The following BNC1 variants were observed in gnomAD, a reference collection of about 807,000 sequenced individuals.
The protein encoded by BNC1 is zinc finger protein basonuclin-1.
A neutral mutation model predicts 66.5 loss-of-function variants in BNC1; 8 were observed. The observed-to-expected ratio is 0.12, with a 90% CI of 0.07 to 0.22. The LOEUF (loss-of-function observed/expected upper bound fraction) is 0.22, where lower values mean the gene tolerates loss of function less well. BNC1 is among the 10% of genes least tolerant of loss of function. The pLI, the probability that BNC1 is intolerant of heterozygous loss-of-function variation, is 1.00. For synonymous variants in BNC1, 454 were observed against 452.6 expected (o/e 1.00, Z -0.04); for missense variants, 1,069 against 1,241.3 (o/e 0.86, Z 2.09).
intron 4 of BNC1, among the ~76,000 whole-genome samples, chr15:83,262,298 G>T (rs1039745589): frequency 6.6e-6 from 1 of 151,946 alleles, no homozygotes; most frequent in Non-Finnish European, 1.5e-5. Context: ...TGATCTGCCC[G>T]CCCTGGCCTC....
chr15:83,264,387 G>A lies in BNC1; in HGVS notation c.864C>T (p.Ser288=). The A allele has an allele frequency of 1.2e-6, 2 of 1,614,176 alleles. No individual in the cohort carries two copies. Among genetic ancestry groups the A allele is most frequent in the Non-Finnish European group, 1.7e-6 (2 of 1,180,030 alleles). ...QEVHGPFPDS[S]FLTSSSTPFQ... ...ATGGTGTGGAACTGGAAGTTAAGAA[G>A]CTGCTGTCAGGGAAGGGCCCATGGA... Residue 288 remains serine, a synonymous_variant, in exon 4 of 5, where the codon AGC becomes AGT. Transcript: ENST00000345382.
chr15:83,274,567 C>T (rs2038300836), intron 1 of BNC1, among the ~76,000 whole-genome samples: 1 of 152,200 alleles, frequency 6.6e-6, no homozygotes, highest in Non-Finnish European at 1.5e-5. Context: ...AGATTAGCCA[C>T]CCTTCCAGCA....
chr15:83,263,368 G>C lies in BNC1; in HGVS notation c.1883C>G (p.Ala628Gly). 6.2e-7 allele frequency: 1 copy of C among 1,614,088 alleles called. No homozygotes were observed. Among genetic ancestry groups the C allele is most frequent in the Non-Finnish European group, 8.5e-7 (1 of 1,180,044 alleles). ...SGAISQTPEQ[A>G]THNSERETEQ... ...AGTCTCCCTCTCTGAATTGTGTGTG[G>C]CCTGCTCAGGGGTTTGGCTGATGGC... is the stretch of plus-strand genomic sequence containing the variant. The change falls in exon 4 of 5, where the codon GCC becomes GGC. Residue 628 changes from alanine to glycine, a missense_variant. By Grantham distance (60) the Ala-to-Gly change is moderately conservative. Around this residue, in one of 7 missense-constraint regions of BNC1, gnomAD observed 657 missense variants for 715.8 expected, o/e 0.92. Coordinates refer to ENST00000345382, the MANE Select transcript of BNC1 (RefSeq NM_001717.4).
intron 1 of BNC1, among the ~76,000 whole-genome samples, chr15:83,276,356 A>T (rs1210414524): frequency 1.3e-5 from 2 of 152,202 alleles, no homozygotes; most frequent in Non-Finnish European, 2.9e-5. Context: ...AACAACTAAA[A>T]CTCCAAACCA....
intron 1 of BNC1, among the ~76,000 whole-genome samples, chr15:83,283,803 C>T (rs1299118004): frequency 1.3e-5 from 2 of 152,258 alleles, no homozygotes; most frequent in Non-Finnish European, 2.9e-5. Context: ...ATCTGCCCCG[C>T]ACACGGTCAA....
At position 83,268,362 on chromosome 15, in the gene BNC1, G is replaced by T. The variant is rs906094351; in HGVS notation, c.100-130C>A. 4 of 778,670 alleles carry T rather than the reference G, an allele frequency of 5.1e-6. No homozygotes were observed. The African/African-American group carries it at 6.9e-5, about 13-fold the overall frequency. 48.2% of individuals were successfully genotyped at this position (778,670 alleles called of 1,614,324 possible). A position where few individuals can be genotyped will look rare whatever the true frequency, so the allele number is the denominator to read the frequency against. Reference sequence around the variant, plus strand: ...GCAATATGTGCCCACTGTGTGCCAGGCCCAGAAGTGTATATTGTACTCTGG... The same window carrying T: ...GCAATATGTGCCCACTGTGTGCCAGTCCCAGAAGTGTATATTGTACTCTGG... On this transcript the variant is annotated intron_variant, in intron 1 of 4. Transcript: ENST00000345382.
chr15:83,282,027 A>G (rs936366714), intron 1 of BNC1, among the ~76,000 whole-genome samples: 1 of 152,274 alleles, frequency 6.6e-6, no homozygotes, highest in African/African-American at 2.4e-5. Context: ...TTATAACCAC[A>G]GCAAACAGAT....
chr15:83,268,098 A>C (rs373826765), intron 2 of BNC1, 35 bp downstream of exon 2: 59 of 1,554,072 alleles, frequency 3.8e-5, no homozygotes, highest in Non-Finnish European at 4.9e-5. Flanking sequence ...TAGAGGTAAC[A>C]CTACAGGCCA....
In BNC1 at chr15:83,263,864, A is replaced by C; in HGVS notation, c.1387T>G (p.Ser463Ala). 1 of 1,614,168 alleles carries C rather than the reference A, an allele frequency of 6.2e-7. No individual in the cohort carries two copies. The highest frequency in any genetic ancestry group is 8.5e-7 in the Non-Finnish European group (1 of 1,180,036). The part of the protein sequence containing the change: ...PPSYPGSGED[S>A]KGQPAFPNIG... ...TTTGGGAAGGCTGGTTGGCCTTTGG[A>C]ATCCTCTCCTGAACCAGGGTAGCTG... Residue 463 changes from serine (S) to alanine (A), a missense_variant, in exon 4 of 5, where the codon TCC becomes GCC. Transcript: ENST00000345382.
rs575370581 is a variant in BNC1, at chr15:83,266,299, C to T, written c.435+537G>A. On this transcript the variant is annotated intron_variant, in intron 3 of 4. Transcript: ENST00000345382. ...GGAGACATACACACACACACACACA[C>T]ATATAGAGAGAGAGATTGAGAATGA... Among the ~76,000 whole-genome samples, 6 of 151,632 alleles carry T rather than the reference C, an allele frequency of 4.0e-5. No homozygotes were observed. The East Asian group carries it at 9.7e-4, about 24-fold the overall frequency.
intron 3 of BNC1, among the ~76,000 whole-genome samples, chr15:83,265,554 C>A (rs965654436): frequency 6.6e-6 from 1 of 152,078 alleles, no homozygotes; most frequent in Non-Finnish European, 1.5e-5. Flanking sequence ...ATTTTTAATC[C>A]TAACACTAGA....
intron 1 of BNC1, chr15:83,283,018 C>G: frequency 8.0e-7 from 1 of 1,245,158 alleles, no homozygotes; most frequent in Non-Finnish European, 1.1e-6. Context: ...CTGAGGCGAG[C>G]ACAGCCATAA....
Position 83,283,513 on chromosome 15 carries a change from G to A in BNC1, c.99+1017C>T, listed in dbSNP as rs980954828. 8.1e-6 allele frequency: 8 copies of A among 985,288 alleles called. No homozygotes were observed. In the South Asian group the frequency reaches 2.8e-4, roughly 35 times the overall value. The allele number at this position is 985,288 out of a possible 1,614,324, so 61.0% of individuals were successfully genotyped here. A position where few individuals can be genotyped will look rare whatever the true frequency, so the allele number is the denominator to read the frequency against. On this transcript the variant is annotated intron_variant, in intron 1 of 4. Coordinates refer to ENST00000345382, the MANE Select transcript of BNC1 (RefSeq NM_001717.4). ...CTCGCAGGTCCCAAGGCCAGGCTGG[G>A]CGGGACTGTTAAGGGAGCTCGAAGT...
chr15:83,283,526 G>A, intron 1 of BNC1: 1 of 985,366 alleles, frequency 1.0e-6, no homozygotes. Flanking sequence ...GGACTGTTAA[G>A]GGAGCTCGAA....
intron 1 of BNC1, among the ~76,000 whole-genome samples, chr15:83,280,763 T>C (rs2038369631): frequency 6.6e-6 from 1 of 152,176 alleles, no homozygotes; most frequent in East Asian, 1.9e-4. Flanking sequence ...GTTTGAGTAT[T>C]TGGTAGGATC....
chr15:83,258,237 C>T, intron 4 of BNC1, 111 bp from the exon 5 acceptor site: 1 of 1,148,258 alleles, frequency 8.7e-7, no homozygotes, highest in Non-Finnish European at 1.2e-6. Flanking sequence ...TATGGGAGCA[C>T]CGATGATAAG....
intron 1 of BNC1, among the ~76,000 whole-genome samples, chr15:83,284,238 C>T (rs1337464936): frequency 6.6e-6 from 1 of 152,202 alleles, no homozygotes; most frequent in Admixed American, 6.5e-5. Context: ...TTTCCACAGG[C>T]TGGCCCGCCG....
chr15:83,263,892 A>C lies in BNC1; in HGVS notation c.1359T>G (p.Pro453=). 1 of 1,614,168 alleles carries C rather than the reference A, an allele frequency of 6.2e-7. No individual in the cohort carries two copies. The highest frequency in any genetic ancestry group is 8.5e-7 in the Non-Finnish European group (1 of 1,180,026). The stretch of plus-strand genomic sequence containing the variant: ...CCTCTCCTGAACCAGGGTAGCTGGG[A>C]GGAGGCCTACAGTCTGGGGACGTCA... ...FTVTSPDCRP[P]PSYPGSGEDS... is the part of the protein sequence containing the mutation. The change falls in exon 4 of 5, where the codon CCT becomes CCG. Residue 453 remains proline (P), a synonymous_variant. Coordinates refer to ENST00000345382, the MANE Select transcript of BNC1 (RefSeq NM_001717.4).
Position 83,269,599 on chromosome 15 carries a change from G to A in BNC1, c.100-1367C>T, listed in dbSNP as rs953723326. On this transcript the variant is annotated intron_variant, in intron 1 of 4. Coordinates refer to ENST00000345382, the MANE Select transcript of BNC1 (RefSeq NM_001717.4). Reference sequence around the variant, plus strand: ...ATTCATTTTAAGGAGTATATGATCAGTCTCCACTTAAAAATTGGTTGCTGG... The same window carrying A: ...ATTCATTTTAAGGAGTATATGATCAATCTCCACTTAAAAATTGGTTGCTGG... Among the ~76,000 whole-genome samples, 4 of 152,138 alleles carry A rather than the reference G, an allele frequency of 2.6e-5. 1 individual carries two copies. The South Asian group carries it at 6.2e-4, about 24-fold the overall frequency.
Sources: gnomAD v4.1 joint callset for allele counts (sites outside exome capture counted in the v4.1 genomes callset) on GRCh38, gnomAD v4.1.1 for gene constraint, gnomAD v4.1.1 regional missense constraint, MANE v1.5 for transcripts, NCBI Gene and HGNC (gene_info 2026-07-23, HGNC 2026-07-21) for gene names.